FOXJ3: variants seen among roughly 807,000 people sequenced by gnomAD.
FOXJ3 encodes forkhead box J3, also known as forkhead box protein J3.
FOXJ3 carries 22 observed loss-of-function variants against 76.1 expected under a neutral mutation model. The observed-to-expected ratio is 0.29, with a 90% CI of 0.21 to 0.41. The LOEUF is 0.41. Among genes scored for constraint, FOXJ3 ranks in the 10% least tolerant of loss-of-function variants. The pLI, the probability that FOXJ3 is intolerant of heterozygous loss-of-function variation, is 1.00. For missense variants in FOXJ3, 613 were observed against 762.1 expected (o/e 0.80, Z 2.30); for synonymous variants, 269 against 261.2 (o/e 1.03, Z -0.29).
chr1:42,333,729 A>C (rs1656295493), intron 1 of FOXJ3, among the ~76,000 whole-genome samples: 1 of 152,202 alleles, frequency 6.6e-6, no homozygotes, highest in South Asian at 2.1e-4. Context: ...TAAGAAAAAA[A>C]CTACTCAAAC....
chr1:42,270,365 A>G (rs1651780181), intron 3 of FOXJ3, among the ~76,000 whole-genome samples: 1 of 152,168 alleles, frequency 6.6e-6, no homozygotes, highest in Non-Finnish European at 1.5e-5. Context: ...CAAAATGTAA[A>G]TAGGTTCCAT....
chr1:42,321,989 CTTG>C lies in FOXJ3; in HGVS notation c.-17-10882_-17-10880del, dbSNP rs1195123573. ...CCCTACCACTGGAATATCGAATTAACTTGTTATCTCCCATAATGCCTAGCACAT... is the reference window on the plus strand; with the variant it reads ...CCCTACCACTGGAATATCGAATTAACTTATCTCCCATAATGCCTAGCACAT... On this transcript the variant is annotated intron_variant, in intron 1 of 12. Transcript: ENST00000361346. Among the ~76,000 whole-genome samples, 5 of 152,168 alleles carry C rather than the reference CTTG, an allele frequency of 3.3e-5. No individual in the cohort carries two copies. In the South Asian group the frequency reaches 8.3e-4, roughly 25 times the overall value.
At position 42,176,655 on chromosome 1, in the gene FOXJ3, C is replaced by A. The variant is rs971658129; in HGVS notation, c.*3055G>T. On this transcript the variant is annotated 3_prime_UTR_variant, in exon 13 of 13. Transcript: ENST00000361346. ...ATTTCTTTACAGCACTAAACAGTTA[C>A]AAATAATGGTTGCCGTTCATCATAG... 1 of 152,592 alleles carries A rather than the reference C, an allele frequency of 6.6e-6. No homozygotes were observed. Among genetic ancestry groups the A allele is most frequent in the Non-Finnish European group, 1.5e-5 (1 of 68,018 alleles). The allele number at this position is 152,592 out of a possible 1,614,324, so 9.5% of individuals were successfully genotyped here.
chr1:42,176,665 T>C lies in FOXJ3; in HGVS notation c.*3045A>G, dbSNP rs551304310. ...AGCACTAAACAGTTACAAATAATGG[T>C]TGCCGTTCATCATAGAGGCAAAATA... On this transcript the variant is annotated 3_prime_UTR_variant, in exon 13 of 13. Transcript: ENST00000361346. The C allele has an allele frequency of 1.3e-5, 2 of 152,768 alleles. No individual in the cohort carries two copies. Among genetic ancestry groups the C allele is most frequent in the African/African-American group, 2.4e-5 (1 of 41,568 alleles). 9.5% of individuals were successfully genotyped at this position (152,768 alleles called of 1,614,324 possible).
chr1:42,278,703 C>A (rs745789928), intron 2 of FOXJ3, 31 bp from the exon 3 acceptor site: 2 of 1,468,406 alleles, frequency 1.4e-6, no homozygotes, highest in Admixed American at 3.8e-5. Flanking sequence ...TAGTCAATAT[C>A]AAGGAAAGAA....
chr1:42,204,777 G>A (rs961822639), intron 6 of FOXJ3, among the ~76,000 whole-genome samples: 1 of 150,726 alleles, frequency 6.6e-6, no homozygotes, highest in Non-Finnish European at 1.5e-5. Context: ...ACTGCCATGT[G>A]GGAAGAATCA....
At chr1:42,237,923 C>CAT (rs1648824406) in intron 4 of FOXJ3, among the ~76,000 whole-genome samples, 1 of 140,286 alleles carries the variant, frequency 7.1e-6, no homozygotes, top group South Asian at 2.5e-4. Context: ...CACACACACA[C>CAT]ACACACACAC....
chr1:42,290,184 T>C (rs2124702356), intron 2 of FOXJ3, among the ~76,000 whole-genome samples: 1 of 152,078 alleles, frequency 6.6e-6, no homozygotes, highest in African/African-American at 2.4e-5. Flanking sequence ...AAGAGAAAAA[T>C]TAGAGGACTA....
chr1:42,191,965 G>T (rs538083156), intron 8 of FOXJ3, among the ~76,000 whole-genome samples: 1 of 152,280 alleles, frequency 6.6e-6, no homozygotes, highest in South Asian at 2.1e-4. Context: ...TAAAGCTAAA[G>T]TATACAGAGG....
At chr1:42,186,698 G>GCAGATAAAGTGTTTTTTC (rs1553154159) in intron 11 of FOXJ3, among the ~76,000 whole-genome samples, 1 of 152,132 alleles carries the variant, frequency 6.6e-6, no homozygotes, top group Non-Finnish European at 1.5e-5. Flanking sequence ...GAGGACAGCA[G>GCAGATAAAGTGTTTTTTC]CAGATAAAGT....
chr1:42,236,802 G>A (rs1465241124), intron 4 of FOXJ3, among the ~76,000 whole-genome samples: 6 of 152,044 alleles, frequency 3.9e-5, no homozygotes, highest in African/African-American at 7.3e-5. Context: ...CAGCTTTTCC[G>A]TCCTTGCCAA....
chr1:42,214,075 G>A (rs763999587), intron 5 of FOXJ3, among the ~76,000 whole-genome samples: 1 of 151,912 alleles, frequency 6.6e-6, no homozygotes, highest in Non-Finnish European at 1.5e-5. Flanking sequence ...TAAAAACAAA[G>A]GAATACTCAA....
At position 42,315,742 on chromosome 1, in the gene FOXJ3, C is replaced by T. The variant is rs533557546; in HGVS notation, c.-17-4632G>A. 1.1e-3 allele frequency among the ~76,000 whole-genome samples: 167 copies of T among 152,298 alleles called. 1 individual carries two copies. The highest frequency in any genetic ancestry group is 3.9e-3 in the African/African-American group (161 of 41,574). Reference sequence around the variant, plus strand: ...ATTGAAGTCAGGAAATTTCAAAGTCCTCCAAGTCACAAACAAATCTCTGTG... The same window carrying T: ...ATTGAAGTCAGGAAATTTCAAAGTCTTCCAAGTCACAAACAAATCTCTGTG... On this transcript the variant is annotated intron_variant, in intron 1 of 12. Transcript: ENST00000361346.
Position 42,188,887 on chromosome 1 carries a change from A to C in FOXJ3, c.1495T>G (p.Ser499Ala). 6.2e-7 allele frequency: 1 copy of C among 1,612,552 alleles called. No individual in the cohort carries two copies. Among genetic ancestry groups the C allele is most frequent in the Non-Finnish European group, 8.5e-7 (1 of 1,179,128 alleles). ...TCGGCAAACTGAACCTGGTCTAAAG[A>C]CCAGTTCTTGAGATCTGCCTGTCTC... ...SMRQADLKNWSLDQVQFADLC... is the reference protein window; with the variant it reads ...SMRQADLKNWALDQVQFADLC... Residue 499 changes from serine (S) to alanine (A), a missense_variant, in exon 11 of 13, where the codon TCT becomes GCT. Physicochemically the swap from Ser to Ala is moderately conservative, Grantham distance 99 (BLOSUM62 1). Transcript: ENST00000361346.
At chr1:42,288,313 A>AAC (rs555080782) in intron 2 of FOXJ3, among the ~76,000 whole-genome samples, 11 of 152,096 alleles carry the variant, frequency 7.2e-5, no homozygotes, top group African/African-American at 1.7e-4. Context: ...TCCAGTTTAG[A>AAC]ACACACACAC....
At chr1:42,322,832 A>C (rs944023054) in intron 1 of FOXJ3, among the ~76,000 whole-genome samples, 2 of 152,140 alleles carry the variant, frequency 1.3e-5, no homozygotes, top group African/African-American at 4.8e-5. Flanking sequence ...CAAAATGCAA[A>C]CTTGGGCTTC....
chr1:42,206,394 G>A (rs1401232046), intron 5 of FOXJ3, among the ~76,000 whole-genome samples: 2 of 152,160 alleles, frequency 1.3e-5, no homozygotes, highest in Non-Finnish European at 2.9e-5. Flanking sequence ...AGATATGGTG[G>A]TGGTGATCTT....
At chr1:42,206,642 G>A (rs1646867151) in intron 5 of FOXJ3, among the ~76,000 whole-genome samples, 1 of 151,994 alleles carries the variant, frequency 6.6e-6, no homozygotes, top group Non-Finnish European at 1.5e-5. Context: ...CATATTTTGA[G>A]TATACATGTG....
At chr1:42,201,955 T>A (rs1389362714) in intron 6 of FOXJ3, among the ~76,000 whole-genome samples, 1 of 152,154 alleles carries the variant, frequency 6.6e-6, no homozygotes. Context: ...TTTTTATGAT[T>A]TTGTCTATTT....
Sources: allele counts gnomAD v4.1 joint callset (sites outside exome capture counted in the v4.1 genomes callset), GRCh38; gene constraint gnomAD v4.1.1; transcripts MANE v1.5; gene names NCBI Gene and HGNC (gene_info 2026-07-23, HGNC 2026-07-21).